Variants in LUZP2 observed in about 807,000 individuals in gnomAD.
LUZP2 encodes leucine zipper protein 2.
LUZP2 carries 52 observed loss-of-function variants against 51.6 expected under a neutral mutation model. The ratio of observed to expected loss-of-function variants is 1.01; its 90% CI spans 0.81 to 1.27. The LOEUF (loss-of-function observed/expected upper bound fraction) is 1.27. Among genes scored for constraint, LUZP2 ranks in the 50% most tolerant of loss-of-function variants. The pLI is 0.00. For missense variants in LUZP2, 436 were observed against 395.4 expected (o/e 1.10, Z -0.87); for synonymous variants, 154 against 137.3 (o/e 1.12, Z -0.85).
At chr11:24,911,945 G>A (rs553420302) in intron 6 of LUZP2, among the ~76,000 whole-genome samples, 1 of 152,188 alleles carries the variant, frequency 6.6e-6, no homozygotes, top group South Asian at 2.1e-4. Context: ...TTCACCTTCA[G>A]TATCCATATC....
intron 1 of LUZP2, among the ~76,000 whole-genome samples, chr11:24,586,747 C>T (rs1853080120): frequency 6.6e-6 from 1 of 152,000 alleles, no homozygotes; most frequent in African/African-American, 2.4e-5. Flanking sequence ...AATTTACAGA[C>T]AATAATTAAT....
chr11:24,555,800 C>A (rs1851851275), intron 1 of LUZP2, among the ~76,000 whole-genome samples: 1 of 152,064 alleles, frequency 6.6e-6, no homozygotes, highest in African/African-American at 2.4e-5. Flanking sequence ...CATAGTGAGA[C>A]CCTTTCTCTA....
At chr11:24,964,896 A>C (rs949577756) in intron 7 of LUZP2, among the ~76,000 whole-genome samples, 2 of 151,962 alleles carry the variant, frequency 1.3e-5, no homozygotes, top group African/African-American at 4.8e-5. Flanking sequence ...GAAATGCCTG[A>C]TATTCATTTT....
chr11:24,818,527 G>A (rs1486688), intron 5 of LUZP2, among the ~76,000 whole-genome samples: 67,869 of 151,720 alleles, frequency 0.45, 15,451 homozygotes, highest in African/African-American at 0.52. Context: ...GAAAGCATGC[G>A]TATCAATCTT....
At chr11:24,599,283 G>T (rs1853544993) in intron 1 of LUZP2, among the ~76,000 whole-genome samples, 2 of 152,048 alleles carry the variant, frequency 1.3e-5, no homozygotes, top group African/African-American at 4.8e-5. Context: ...AGATGTTATA[G>T]ATCCTCAAGT....
At chr11:24,958,682 A>T (rs1251025627) in intron 7 of LUZP2, among the ~76,000 whole-genome samples, 1 of 151,464 alleles carries the variant, frequency 6.6e-6, no homozygotes, top group Non-Finnish European at 1.5e-5. Context: ...GGTTGTGAAA[A>T]TTTTCTCCCA....
chr11:25,022,680 A>G (rs185975858), intron 9 of LUZP2, among the ~76,000 whole-genome samples: 1 of 152,086 alleles, frequency 6.6e-6, no homozygotes, highest in African/African-American at 2.4e-5. Context: ...TTATCTAGGA[A>G]ATCTGTGTTC....
intron 9 of LUZP2, among the ~76,000 whole-genome samples, chr11:25,019,183 C>G (rs931196913): frequency 6.6e-6 from 1 of 152,132 alleles, no homozygotes; most frequent in Non-Finnish European, 1.5e-5. Flanking sequence ...TGTGTCCCAC[C>G]TTATAGTATC....
intron 1 of LUZP2, among the ~76,000 whole-genome samples, chr11:24,550,733 T>C (rs1204508239): frequency 1.3e-5 from 2 of 152,088 alleles, no homozygotes; most frequent in Non-Finnish European, 2.9e-5. Flanking sequence ...ATGTTTGCAA[T>C]TGAAAGGAAC....
intron 5 of LUZP2, among the ~76,000 whole-genome samples, chr11:24,800,993 T>C (rs2134115705): frequency 6.6e-6 from 1 of 152,298 alleles, no homozygotes; most frequent in South Asian, 2.1e-4. Flanking sequence ...TTAACCTCCC[T>C]AAACTTCTTC....
chr11:24,714,568 A>G (rs539959989), intron 1 of LUZP2, among the ~76,000 whole-genome samples: 31 of 152,296 alleles, frequency 2.0e-4, no homozygotes, highest in African/African-American at 7.5e-4. Flanking sequence ...GAAAAATGAT[A>G]GTAAAAATCT....
chr11:24,668,949 A>C (rs186524353), intron 1 of LUZP2, among the ~76,000 whole-genome samples: 107 of 152,252 alleles, frequency 7.0e-4, no homozygotes, highest in Non-Finnish European at 1.4e-3. Flanking sequence ...AGAAAATGTC[A>C]AACTTGCACT....
intron 1 of LUZP2, among the ~76,000 whole-genome samples, chr11:24,726,939 G>A (rs1463417600): frequency 6.6e-6 from 1 of 152,006 alleles, no homozygotes; most frequent in Non-Finnish European, 1.5e-5. Flanking sequence ...CTTACATAAG[G>A]ACCTTAAATG....
chr11:24,970,490 G>A (rs1422987562), intron 7 of LUZP2, among the ~76,000 whole-genome samples: 1 of 152,110 alleles, frequency 6.6e-6, no homozygotes, highest in Non-Finnish European at 1.5e-5. Flanking sequence ...GGGGTGAAGG[G>A]AGAATTTTTA....
At chr11:24,961,391 T>G (rs915404827) in intron 7 of LUZP2, among the ~76,000 whole-genome samples, 3 of 152,182 alleles carry the variant, frequency 2.0e-5, no homozygotes, top group Non-Finnish European at 1.5e-5. Context: ...TAAGTCTCTT[T>G]GTAGGTCACT....
intron 1 of LUZP2, among the ~76,000 whole-genome samples, chr11:24,654,309 T>A (rs1425062387): frequency 2.0e-5 from 3 of 152,246 alleles, no homozygotes; most frequent in Non-Finnish European, 2.9e-5. Context: ...AATGTTCTGT[T>A]AAATATTCTG....
chr11:24,813,555 G>T (rs574742187), intron 5 of LUZP2, among the ~76,000 whole-genome samples: 1 of 152,252 alleles, frequency 6.6e-6, no homozygotes, highest in African/African-American at 2.4e-5. Context: ...GAAACTTCCA[G>T]ATCTTGTGTG....
chr11:24,987,507 T>C (rs1856222434), intron 9 of LUZP2, among the ~76,000 whole-genome samples: 1 of 151,932 alleles, frequency 6.6e-6, no homozygotes, highest in African/African-American at 2.4e-5. Context: ...CATCCCAGGC[T>C]ATTACTGTTT....
chr11:25,047,759 G>T (rs1252141195), intron 9 of LUZP2, among the ~76,000 whole-genome samples: 1 of 151,992 alleles, frequency 6.6e-6, no homozygotes, highest in Non-Finnish European at 1.5e-5. Flanking sequence ...ATGTACTGTT[G>T]CCATATCATG....
Sources: allele counts gnomAD v4.1 joint callset (sites outside exome capture counted in the v4.1 genomes callset), GRCh38; gene constraint gnomAD v4.1.1; transcripts MANE v1.5; gene names NCBI Gene and HGNC (gene_info 2026-07-23, HGNC 2026-07-21).